Variants in TGFBR3 observed in about 807,000 individuals in gnomAD.
TGFBR3 encodes transforming growth factor beta receptor 3, also known as transforming growth factor beta receptor type 3.
TGFBR3 carries 46 observed loss-of-function variants against 87.9 expected under a neutral mutation model. That is an observed-to-expected ratio of 0.52 (90% CI 0.41 to 0.67). The LOEUF is 0.67. Ranked by LOEUF, TGFBR3 falls within the 30% of genes least tolerant of loss-of-function variation. The pLI is 0.00. For synonymous variants in TGFBR3, 381 were observed against 391.6 expected (o/e 0.97, Z 0.32); for missense variants, 866 against 1,041.9 (o/e 0.83, Z 2.32).
chr1:91,771,563 G>A (rs284195), intron 3 of TGFBR3, among the ~76,000 whole-genome samples: 61,466 of 151,576 alleles, frequency 0.41, 13,098 homozygotes, highest in Middle Eastern at 0.51. Flanking sequence ...AAAATTAGCC[G>A]GGCGTGGTGG....
chr1:91,840,896 C>A (rs1205201494), intron 2 of TGFBR3, among the ~76,000 whole-genome samples: 2 of 152,032 alleles, frequency 1.3e-5, no homozygotes, highest in South Asian at 2.1e-4. Flanking sequence ...CTGCAACCTC[C>A]ACCTCCAGGG....
chr1:91,699,347 C>T (rs775033760), intron 14 of TGFBR3, among the ~76,000 whole-genome samples: 9 of 151,978 alleles, frequency 5.9e-5, no homozygotes, highest in Non-Finnish European at 1.2e-4. Flanking sequence ...CTAGTCTCTC[C>T]CACCCTTGCT....
At chr1:91,862,398 TG>T (rs1052332038) in intron 1 of TGFBR3, among the ~76,000 whole-genome samples, 7 of 152,198 alleles carry the variant, frequency 4.6e-5, no homozygotes, top group Non-Finnish European at 8.8e-5. Context: ...GGAATCAATC[TG>T]AAAAAAATAA....
chr1:91,753,429 AAGTTTTTACT>A (rs1162771291), intron 4 of TGFBR3, among the ~76,000 whole-genome samples: 2 of 149,252 alleles, frequency 1.3e-5, no homozygotes, highest in African/African-American at 4.9e-5. Context: ...GTGCTGCAGC[AAGTTTTTACT>A]AGTTTTATGA....
chr1:91,774,627 G>C (rs932013623), intron 3 of TGFBR3, among the ~76,000 whole-genome samples: 2 of 152,124 alleles, frequency 1.3e-5, no homozygotes, highest in Admixed American at 1.3e-4. Flanking sequence ...AAGGACAATG[G>C]CATTTTTTGG....
At chr1:91,890,147 A>AG (rs1467127703), upstream of TGFBR3, among the ~76,000 whole-genome samples, 2 of 152,142 alleles carry the variant, frequency 1.3e-5, no homozygotes, top group South Asian at 2.1e-4. Context: ...GATTGTAAGC[A>AG]GGGGGGTGAA....
chr1:91,825,398 G>A (rs1245428490), intron 2 of TGFBR3, among the ~76,000 whole-genome samples: 1 of 152,188 alleles, frequency 6.6e-6, no homozygotes, highest in Non-Finnish European at 1.5e-5. Context: ...GGCCACATAT[G>A]GCATGACTCC....
At chr1:91,866,932 C>T (rs2489188) in intron 1 of TGFBR3, 99,506 of 152,076 alleles carry the variant, frequency 0.65, 32,620 homozygotes, top group East Asian at 0.81. Flanking sequence ...ATTTCCCTCA[C>T]GCTGTACAGA....
At chr1:91,687,057 C>T (rs891882912) in intron 16 of TGFBR3, among the ~76,000 whole-genome samples, 24 of 152,168 alleles carry the variant, frequency 1.6e-4, no homozygotes, top group African/African-American at 5.6e-4. Flanking sequence ...TGGTGCCTGA[C>T]ATACTCTGGA....
Position 91,861,630 on chromosome 1 carries a change from C to A in TGFBR3, c.-99G>T. On this transcript the variant is annotated 5_prime_UTR_variant, in exon 2 of 17. Transcript: ENST00000212355. ...GAAGTAGTCTTAAAGTCCCTCCTTG[C>A]AATTTTCAAACTGCCTGTAAAACAA... The A allele has an allele frequency of 1.1e-6, 1 of 934,404 alleles. No homozygotes were observed. Among genetic ancestry groups the A allele is most frequent in the Middle Eastern group, 2.1e-4 (1 of 4,744 alleles). The allele number at this position is 934,404 out of a possible 1,614,324, so 57.9% of individuals were successfully genotyped here. A position where few individuals can be genotyped will look rare whatever the true frequency, so the allele number is the denominator to read the frequency against.
At position 91,885,944 on chromosome 1, in the gene TGFBR3, C is replaced by T; in HGVS notation, c.-180G>A. The T allele has an allele frequency of 2.2e-6, 1 of 449,536 alleles. No individual in the cohort carries two copies. The highest frequency in any genetic ancestry group is 1.6e-5 in the South Asian group (1 of 63,776). 27.8% of individuals were successfully genotyped at this position (449,536 alleles called of 1,614,324 possible). ...TTGGAGGAAAGCGGCGGCAAGTTTC[C>T]CCGCCCAGCGCTCGGCGGCGGCGAG... On this transcript the variant is annotated 5_prime_UTR_variant, in exon 1 of 17. Coordinates refer to ENST00000212355, the MANE Select transcript of TGFBR3 (RefSeq NM_003243.5).
intron 12 of TGFBR3, among the ~76,000 whole-genome samples, chr1:91,715,767 A>G (rs1430274141): frequency 6.6e-6 from 1 of 152,210 alleles, no homozygotes; most frequent in Admixed American, 6.5e-5. Context: ...AGTGAGTGCA[A>G]TTTAAAAGAT....
Position 91,683,156 on chromosome 1 carries a change from G to A in TGFBR3, c.*583C>T, listed in dbSNP as rs932830931. ...ACTTGTCAGGGTGCAGTCCCTGAGGGCAGCACCCATCAAGGGACACATCAG... is the reference window on the plus strand; with the variant it reads ...ACTTGTCAGGGTGCAGTCCCTGAGGACAGCACCCATCAAGGGACACATCAG... On this transcript the variant is annotated 3_prime_UTR_variant, in exon 17 of 17. Coordinates refer to ENST00000212355, the MANE Select transcript of TGFBR3 (RefSeq NM_003243.5). 2.2e-6 allele frequency: 1 copy of A among 454,528 alleles called. No individual in the cohort carries two copies. The highest frequency in any genetic ancestry group is 4.4e-6 in the Non-Finnish European group (1 of 226,804). The allele number at this position is 454,528 out of a possible 1,614,324, so 28.2% of individuals were successfully genotyped here.
At chr1:91,747,704 T>C (rs1673392398) in intron 4 of TGFBR3, among the ~76,000 whole-genome samples, 1 of 152,206 alleles carries the variant, frequency 6.6e-6, no homozygotes, top group Non-Finnish European at 1.5e-5. Context: ...TAGACGCAAT[T>C]AAACTCCATA....
intron 4 of TGFBR3, among the ~76,000 whole-genome samples, chr1:91,739,132 C>G (rs1332724068): frequency 2.0e-5 from 3 of 152,194 alleles, no homozygotes; most frequent in African/African-American, 7.2e-5. Flanking sequence ...GTAGGCCCAA[C>G]AGGACCTTGT....
intron 2 of TGFBR3, chr1:91,899,537 G>T (rs542569526): frequency 6.6e-6 from 1 of 151,628 alleles, no homozygotes; most frequent in Admixed American, 6.6e-5. Flanking sequence ...ATTATGCCAT[G>T]TAAGCACTTA....
At chr1:91,751,991 C>A (rs1673557065) in intron 4 of TGFBR3, among the ~76,000 whole-genome samples, 1 of 152,080 alleles carries the variant, frequency 6.6e-6, no homozygotes, top group Non-Finnish European at 1.5e-5. Flanking sequence ...TAGTACGATC[C>A]CCTCATTTTA....
chr1:91,735,030 T>C (rs1672915051), intron 4 of TGFBR3, 71 bp from the exon 5 acceptor site: 5 of 1,574,230 alleles, frequency 3.2e-6, no homozygotes, highest in Admixed American at 1.7e-5. Flanking sequence ...GAGAAAGTAC[T>C]TCTCAAATCG....
At chr1:91,773,196 T>A (rs192785417) in intron 3 of TGFBR3, among the ~76,000 whole-genome samples, 4 of 151,910 alleles carry the variant, frequency 2.6e-5, no homozygotes, top group Non-Finnish European at 5.9e-5. Context: ...CTGGCCAACA[T>A]AGTGAAACTT....
Sources: gnomAD v4.1 joint callset for allele counts (sites outside exome capture counted in the v4.1 genomes callset) on GRCh38, gnomAD v4.1.1 for gene constraint, MANE v1.5 for transcripts, NCBI Gene and HGNC (gene_info 2026-07-23, HGNC 2026-07-21) for gene names.